Variants in TACC2 observed in about 807,000 individuals in gnomAD.
TACC2 encodes transforming acidic coiled-coil containing protein 2.
Under a neutral mutation model 227.3 loss-of-function variants are expected in TACC2, and 137 were observed. The ratio of observed to expected loss-of-function variants is 0.60; its 90% CI spans 0.52 to 0.69. The LOEUF is 0.69. TACC2 is among the 30% of genes least tolerant of loss of function. The pLI is 0.00. For missense variants in TACC2, 3,470 were observed against 3,694.4 expected (o/e 0.94, Z 1.57); for synonymous variants, 1,523 against 1,487.5 (o/e 1.02, Z -0.55).
chr10:122,139,492 C>T (rs75344306), intron 6 of TACC2, among the ~76,000 whole-genome samples: 3,726 of 152,288 alleles, frequency 0.024, 151 homozygotes, highest in African/African-American at 0.085. Flanking sequence ...CTCTGAGAGA[C>T]GCCTGTTCTA....
intron 7 of TACC2, among the ~76,000 whole-genome samples, chr10:122,186,384 C>T (rs546831584): frequency 6.6e-6 from 1 of 152,096 alleles, no homozygotes; most frequent in African/African-American, 2.4e-5. Context: ...TCCCAGCTTA[C>T]TCGGGAGGCT....
intron 5 of TACC2, among the ~76,000 whole-genome samples, chr10:122,114,317 A>G (rs766043342): frequency 8.5e-5 from 13 of 152,194 alleles, no homozygotes; most frequent in Non-Finnish European, 1.5e-4. Flanking sequence ...TCTGGAAATG[A>G]CTTTTTTTCC....
At chr10:122,121,626 C>T (rs180689033) in intron 5 of TACC2, among the ~76,000 whole-genome samples, 1 of 152,356 alleles carries the variant, frequency 6.6e-6, no homozygotes, top group Admixed American at 6.5e-5. Context: ...GTGACAAGCG[C>T]TGCTTATAAT....
rs574629095 is a variant in TACC2, at chr10:122,015,918, T to C, written c.-45-6019T>C. On this transcript the variant is annotated intron_variant, in intron 1 of 22. Coordinates refer to ENST00000369005, the MANE Select transcript of TACC2 (RefSeq NM_206862.4). ...TCCCTCTGTGCCCTCAGTGTTTAAA[T>C]GCTTTGCACTTTACATTCCAGGATC... Among the ~76,000 whole-genome samples the C allele has an allele frequency of 3.3e-5, 5 of 150,902 alleles. No homozygotes were observed. In the South Asian group the frequency reaches 8.4e-4, roughly 25 times the overall value.
chr10:122,148,599 A>G (rs1174340426), intron 7 of TACC2, among the ~76,000 whole-genome samples: 2 of 152,244 alleles, frequency 1.3e-5, no homozygotes, highest in African/African-American at 4.8e-5. Flanking sequence ...CGAGGCAGTG[A>G]GACCTGGTGT....
chr10:122,064,557 T>C (rs2077185639), intron 3 of TACC2, among the ~76,000 whole-genome samples: 2 of 152,360 alleles, frequency 1.3e-5, no homozygotes, highest in Middle Eastern at 3.4e-3. Context: ...GCCTACTCTA[T>C]AACTATTTGC....
intron 3 of TACC2, among the ~76,000 whole-genome samples, chr10:122,060,974 C>A (rs2076724116): frequency 7.4e-6 from 1 of 135,388 alleles, no homozygotes; most frequent in Admixed American, 8.0e-5. Context: ...CACTGCACTC[C>A]AGCCTGGGCA....
chr10:122,237,442 G>T lies in TACC2; in HGVS notation c.8175G>T (p.Leu2725Phe), dbSNP rs770738881. Residue 2725 changes from leucine (L) to phenylalanine (F), a missense_variant, in exon 17 of 23, where the codon TTG (leucine) becomes TTT (phenylalanine). Coordinates refer to ENST00000369005, the MANE Select transcript of TACC2 (RefSeq NM_206862.4). ...PTDVSISKTA[L>F]YSRIGTAEVE... ...ACGTCTCCATCTCCAAAACAGCCTT[G>T]TACTCCCGCATCGGGACCGCTGAGG... 1.2e-6 allele frequency: 2 copies of T among 1,613,920 alleles called. No homozygotes were observed. Among genetic ancestry groups the T allele is most frequent in the Non-Finnish European group, 8.5e-7 (1 of 1,179,952 alleles).
chr10:122,043,796 G>T (rs537664263), intron 2 of TACC2, among the ~76,000 whole-genome samples: 4 of 152,240 alleles, frequency 2.6e-5, no homozygotes, highest in East Asian at 1.9e-4. Flanking sequence ...GCCAGCCTGG[G>T]TTCGAACTCC....
intron 7 of TACC2, chr10:122,163,685 G>GGCGCGCGCCGGCCACACTCGC: frequency 8.4e-6 from 9 of 1,072,004 alleles, no homozygotes; most frequent in Non-Finnish European, 7.9e-6. Flanking sequence ...GCCACACTCG[G>GGCGCGCGCCGGCCACACTCGC]GCGCGCGCCG....
chr10:122,250,538 T>A lies in TACC2; in HGVS notation c.8781+874T>A, dbSNP rs139740121. Among the ~76,000 whole-genome samples, 523 of 152,304 alleles carry A rather than the reference T, an allele frequency of 3.4e-3. 1 individual carries two copies. Among genetic ancestry groups the A allele is most frequent in the Non-Finnish European group, 5.9e-3 (399 of 68,036 alleles). ...GAGCACCCAGCCAGCCCCAGGGGATTGGCTGTCCTCCTTTGCCCACTGTGG... is the reference window on the plus strand; with the variant it reads ...GAGCACCCAGCCAGCCCCAGGGGATAGGCTGTCCTCCTTTGCCCACTGTGG... On this transcript the variant is annotated intron_variant, in intron 22 of 22. Transcript: ENST00000369005.
At chr10:122,093,710 A>T (rs1328918628) in intron 5 of TACC2, among the ~76,000 whole-genome samples, 2 of 152,162 alleles carry the variant, frequency 1.3e-5, no homozygotes. Context: ...TTCTCTCTCT[A>T]TAAAATGGGA....
chr10:122,162,514 G>C (rs2092881287), intron 7 of TACC2, among the ~76,000 whole-genome samples: 1 of 152,186 alleles, frequency 6.6e-6, no homozygotes, highest in African/African-American at 2.4e-5. Context: ...GTCTGGGCTG[G>C]GAGCGCAGGA....
intron 7 of TACC2, among the ~76,000 whole-genome samples, chr10:122,159,543 A>G (rs76748932): frequency 0.032 from 4,810 of 152,276 alleles, 241 homozygotes; most frequent in East Asian, 0.23. Context: ...TGCTGGGTGC[A>G]GAGTTGTGTG....
At chr10:122,224,924 G>A in intron 12 of TACC2, 137 bp downstream of exon 12, 2 of 716,048 alleles carry the variant, frequency 2.8e-6, no homozygotes, top group East Asian at 4.9e-5. Context: ...CGGGTGCACA[G>A]CAGTGATGGA....
chr10:122,164,617 C>G (rs1427790161), intron 7 of TACC2, among the ~76,000 whole-genome samples: 5 of 152,216 alleles, frequency 3.3e-5, no homozygotes, highest in African/African-American at 9.6e-5. Flanking sequence ...CTAACGTGCT[C>G]AGAAGTGGCC....
At position 122,205,989 on chromosome 10, in the gene TACC2, C is replaced by T. The variant is rs1238902085; in HGVS notation, c.5972-4408C>T. Reference sequence around the variant, plus strand: ...TGCTCTCTGTGTAGGAGACCATCTACCCGTGATGCGGCAGCTTAAGAGAAG... The same window carrying T: ...TGCTCTCTGTGTAGGAGACCATCTATCCGTGATGCGGCAGCTTAAGAGAAG... On this transcript the variant is annotated intron_variant, in intron 8 of 22. Coordinates refer to ENST00000369005, the MANE Select transcript of TACC2 (RefSeq NM_206862.4). The surrounding 1 kb of genome is among the most constrained non-coding windows in gnomAD (Gnocchi z 4.5). Among the ~76,000 whole-genome samples the T allele has an allele frequency of 6.6e-6, 1 of 152,210 alleles. No homozygotes were observed. The highest frequency in any genetic ancestry group is 1.5e-5 in the Non-Finnish European group (1 of 68,038).
At chr10:122,174,593 C>G (rs72840860) in intron 7 of TACC2, among the ~76,000 whole-genome samples, 13,282 of 152,148 alleles carry the variant, frequency 0.087, 769 homozygotes, top group Admixed American at 0.15. Flanking sequence ...AAACACTATG[C>G]TCCTGTTTTT....
At chr10:122,023,713 C>A (rs2135574613) in intron 2 of TACC2, 1 of 151,174 alleles carries the variant, frequency 6.6e-6, no homozygotes, top group Middle Eastern at 3.4e-3. Flanking sequence ...TTAATGGGTG[C>A]AGCAAACCAA....
Sources: allele counts gnomAD v4.1 joint callset (sites outside exome capture counted in the v4.1 genomes callset), GRCh38; gene constraint gnomAD v4.1.1; non-coding constraint Gnocchi (gnomAD v3.1); transcripts MANE v1.5; gene names NCBI Gene and HGNC (gene_info 2026-07-23, HGNC 2026-07-21).